Variants in SRGAP2 observed in about 807,000 individuals in gnomAD.
SRGAP2 encodes the protein SLIT-ROBO Rho GTPase activating protein 2, also known as SLIT-ROBO Rho GTPase-activating protein 2.
A neutral mutation model predicts 57.2 loss-of-function variants in SRGAP2; 15 were observed. The observed-to-expected ratio is 0.26, with a 90% CI of 0.18 to 0.40. The LOEUF is 0.40. SRGAP2 is among the 10% of genes least tolerant of loss of function. SRGAP2 has a pLI of 1.00. For synonymous variants in SRGAP2, 249 were observed against 248.0 expected, an observed-to-expected ratio of 1.00 and a Z score of -0.04; for missense variants, 520 against 669.6, an observed-to-expected ratio of 0.78 and a Z score of 2.47.
intron 2 of SRGAP2, chr1:206,214,660 C>T (rs1666532227): frequency 6.6e-6 from 1 of 151,838 alleles, no homozygotes; most frequent in Non-Finnish European, 1.5e-5. Flanking sequence ...AGGGTGGTGG[C>T]ACTTGTCCGT....
At chr1:206,206,916 G>GT (rs1308513855) in intron 2 of SRGAP2, 1 of 147,550 alleles carries the variant, frequency 6.8e-6, no homozygotes, top group South Asian at 2.1e-4. Context: ...CTCAGATAGC[G>GT]TTTTTTAAAC....
chr1:206,424,180 G>A (rs1275796062), intron 13 of SRGAP2, among the ~76,000 whole-genome samples: 9 of 151,744 alleles, frequency 5.9e-5, no homozygotes, highest in Admixed American at 5.9e-4. Context: ...CTCTACTTTT[G>A]GTTTAAAGTT....
At chr1:206,366,816 G>C (rs1250053602) in intron 4 of SRGAP2, among the ~76,000 whole-genome samples, 2 of 148,356 alleles carry the variant, frequency 1.3e-5, no homozygotes, top group Non-Finnish European at 3.0e-5. Context: ...AGAATGAGAA[G>C]CAGTGCCCCC....
chr1:206,220,479 G>C (rs1666912858), intron 2 of SRGAP2, among the ~76,000 whole-genome samples: 1 of 152,168 alleles, frequency 6.6e-6, no homozygotes, highest in Admixed American at 6.5e-5. Flanking sequence ...AGATCTCTGA[G>C]AGATCTTGAC....
chr1:206,415,310 G>T (rs781823295), intron 10 of SRGAP2, among the ~76,000 whole-genome samples: 3 of 152,222 alleles, frequency 2.0e-5, no homozygotes, highest in Non-Finnish European at 4.4e-5. Flanking sequence ...GCAAGTCGGG[G>T]ATGTCAGCCC....
intron 8 of SRGAP2, among the ~76,000 whole-genome samples, chr1:206,403,071 A>C: frequency 6.6e-6 from 1 of 151,964 alleles, no homozygotes; most frequent in East Asian, 1.9e-4. Context: ...GGAGATAGAA[A>C]TGTGGAGTTG....
intron 4 of SRGAP2, among the ~76,000 whole-genome samples, chr1:206,359,798 CTTTTTTTT>C (rs1166916482): frequency 4.3e-5 from 3 of 70,226 alleles, no homozygotes; most frequent in Non-Finnish European, 7.7e-5. Context: ...GGATATTGCT[CTTTTTTTT>C]TTTTTTTTTT....
intron 4 of SRGAP2, among the ~76,000 whole-genome samples, chr1:206,357,553 T>C (rs1233609527): frequency 6.6e-6 from 1 of 151,402 alleles, no homozygotes; most frequent in Non-Finnish European, 1.5e-5. Flanking sequence ...GTTTTTCATA[T>C]ATTCCTTATG....
chr1:206,295,385 G>C (rs1183103318), intron 2 of SRGAP2, among the ~76,000 whole-genome samples: 1 of 152,020 alleles, frequency 6.6e-6, no homozygotes, highest in Admixed American at 6.6e-5. Flanking sequence ...CACCATGCCT[G>C]GCTAATTTTT....
intron 2 of SRGAP2, among the ~76,000 whole-genome samples, chr1:206,209,190 T>G (rs1288015182): frequency 6.9e-6 from 1 of 145,730 alleles, no homozygotes; most frequent in Non-Finnish European, 1.5e-5. Flanking sequence ...CTTAAGATCA[T>G]TTAGTTGTAA....
intron 2 of SRGAP2, among the ~76,000 whole-genome samples, chr1:206,286,523 A>G (rs1400156879): frequency 1.3e-5 from 2 of 148,726 alleles, no homozygotes; most frequent in Non-Finnish European, 3.0e-5. Flanking sequence ...GCACTGTGGC[A>G]TCGGGGATCA....
At chr1:206,373,745 G>A (rs1553343200) in intron 4 of SRGAP2, among the ~76,000 whole-genome samples, 1 of 96,246 alleles carries the variant, frequency 1.0e-5, no homozygotes, top group African/African-American at 4.2e-5. Context: ...AAAAAGAAGA[G>A]AGAGAGACAT....
chr1:206,447,269 C>T (rs892122335), intron 18 of SRGAP2, among the ~76,000 whole-genome samples: 2 of 152,178 alleles, frequency 1.3e-5, no homozygotes, highest in Admixed American at 6.5e-5. Context: ...TGTCTGAATT[C>T]AACATCTGGA....
chr1:206,347,546 C>T (rs567173808), intron 4 of SRGAP2, among the ~76,000 whole-genome samples: 1 of 150,448 alleles, frequency 6.6e-6, no homozygotes, highest in African/African-American at 2.5e-5. Context: ...TGTTGCACTT[C>T]AGTCTAGGCA....
chr1:206,285,357 A>G, intron 2 of SRGAP2, among the ~76,000 whole-genome samples: 1 of 152,182 alleles, frequency 6.6e-6, no homozygotes, highest in Non-Finnish European at 1.5e-5. Flanking sequence ...CATGCCTTGT[A>G]TTTCACATTG....
chr1:206,312,377 G>T (rs1417888358), intron 3 of SRGAP2: 2 of 152,064 alleles, frequency 1.3e-5, no homozygotes, highest in African/African-American at 4.8e-5. Context: ...CTAAGTGATT[G>T]CATTTAGGGA....
chr1:206,419,963 C>T (rs1660150646), intron 12 of SRGAP2, among the ~76,000 whole-genome samples: 1 of 152,118 alleles, frequency 6.6e-6, no homozygotes, highest in South Asian at 2.1e-4. Flanking sequence ...AATCTTTCCC[C>T]ACCTTCCCCT....
intron 13 of SRGAP2, among the ~76,000 whole-genome samples, chr1:206,424,834 T>A (rs1553365738): frequency 6.6e-6 from 1 of 152,236 alleles, no homozygotes; most frequent in African/African-American, 2.4e-5. Flanking sequence ...AAAGCCTTTG[T>A]GACTTTGTCC....
At chr1:206,252,376 T>A (rs1332285743) in intron 2 of SRGAP2, among the ~76,000 whole-genome samples, 1 of 151,662 alleles carries the variant, frequency 6.6e-6, no homozygotes, top group Non-Finnish European at 1.5e-5. Flanking sequence ...CACATGTAAT[T>A]TTTTAGTTTC....
Sources: allele counts gnomAD v4.1 joint callset (sites outside exome capture counted in the v4.1 genomes callset), GRCh38; gene constraint gnomAD v4.1.1; transcripts MANE v1.5; gene names NCBI Gene and HGNC (gene_info 2026-07-23, HGNC 2026-07-21).